Variants in PTP4A1 observed in about 807,000 individuals in gnomAD.
The protein encoded by PTP4A1 is protein tyrosine phosphatase type IVA 1.
In PTP4A1, 9 loss-of-function variants were observed where a neutral mutation model predicts 20.5. The observed-to-expected ratio is 0.44, with a 90% CI of 0.26 to 0.77. The LOEUF is 0.77. Ranked by LOEUF, PTP4A1 falls within the 30% of genes least tolerant of loss-of-function variation. The probability of loss-of-function intolerance (pLI) is 0.19; values close to 1 mark genes in which losing one functional copy is unlikely to be tolerated. For synonymous variants in PTP4A1, 78 were observed against 67.4 expected (o/e 1.16, Z -0.77); for missense variants, 137 against 218.8 (o/e 0.63, Z 2.36).
chr6:63,527,609 C>T (rs772515768), intron 1 of PTP4A1, among the ~76,000 whole-genome samples: 3 of 152,150 alleles, frequency 2.0e-5, no homozygotes, highest in Admixed American at 6.5e-5. Context: ...ATTTAAGTTT[C>T]GGTGACAACT....
At chr6:63,532,768 A>C (rs578060808) in intron 2 of PTP4A1, among the ~76,000 whole-genome samples, 1 of 152,340 alleles carries the variant, frequency 6.6e-6, no homozygotes, top group African/African-American at 2.4e-5. Flanking sequence ...AGCATGTTCA[A>C]TCAGTATCTA....
At chr6:63,576,356 A>C (rs1033564287) in intron 1 of PTP4A1, 80 bp from the exon 2 acceptor site, 3 of 397,112 alleles carry the variant, frequency 7.6e-6, no homozygotes, top group African/African-American at 6.2e-5. Context: ...TTGTGTACTT[A>C]AATAGTGTAA....
intron 1 of PTP4A1, among the ~76,000 whole-genome samples, chr6:63,526,803 GTA>G (rs376671990): frequency 0.17 from 17,598 of 101,176 alleles, 1,366 homozygotes; most frequent in Admixed American, 0.27. Context: ...TCTCAAAAAT[GTA>G]TATATATATA....
chr6:63,535,310 C>CA (rs1775670180), intron 2 of PTP4A1, among the ~76,000 whole-genome samples: 1 of 151,960 alleles, frequency 6.6e-6, no homozygotes, highest in South Asian at 2.1e-4. Flanking sequence ...ACTAAAAATA[C>CA]AAAAAATAAG....
intron 2 of PTP4A1, among the ~76,000 whole-genome samples, chr6:63,543,751 G>C (rs1776074233): frequency 6.6e-6 from 1 of 152,148 alleles, no homozygotes; most frequent in African/African-American, 2.4e-5. Context: ...CCTAAGTCAA[G>C]TGAAACTTAT....
intron 2 of PTP4A1, among the ~76,000 whole-genome samples, chr6:63,534,334 A>G (rs1358169727): frequency 6.6e-6 from 1 of 152,026 alleles, no homozygotes; most frequent in Non-Finnish European, 1.5e-5. Flanking sequence ...ATCCAGGTTC[A>G]CTCTAAGTTA....
chr6:63,557,881 A>T (rs1015832349), intron 3 of PTP4A1, among the ~76,000 whole-genome samples: 1 of 151,936 alleles, frequency 6.6e-6, no homozygotes, highest in Non-Finnish European at 1.5e-5. Context: ...TTTTAAAATG[A>T]TACTGAACAT....
At chr6:63,567,676 C>T (rs1316841997), upstream of PTP4A1, among the ~76,000 whole-genome samples, 1 of 152,354 alleles carries the variant, frequency 6.6e-6, no homozygotes, top group East Asian at 1.9e-4. Context: ...ACATCAGCCC[C>T]TAACAAGAGA....
At chr6:63,528,505 G>A (rs531404269) in intron 2 of PTP4A1, among the ~76,000 whole-genome samples, 3 of 151,798 alleles carry the variant, frequency 2.0e-5, no homozygotes, top group Admixed American at 6.6e-5. Flanking sequence ...TGGACAGATC[G>A]CCTGAGCCCA....
At chr6:63,576,319 G>T (rs1450190023) in intron 1 of PTP4A1, 117 bp from the exon 2 acceptor site, 2 of 389,380 alleles carry the variant, frequency 5.1e-6, no homozygotes, top group East Asian at 3.6e-5. Flanking sequence ...TCGATGAAGC[G>T]GCTCAGGCCC....
At chr6:63,527,526 T>C (rs1258664304) in intron 1 of PTP4A1, among the ~76,000 whole-genome samples, 1 of 152,242 alleles carries the variant, frequency 6.6e-6, no homozygotes, top group Non-Finnish European at 1.5e-5. Flanking sequence ...ATGTGCTTTA[T>C]ACTGTGTCCA....
rs200713233 is a variant in PTP4A1, at chr6:63,579,045, A to G, written c.329+17A>G. On this transcript the variant is annotated intron_variant, in intron 4 of 5. Transcript: ENST00000626021. ...CCTTGGGAGGTAAATGAATTTATCA[A>G]TTTGATTCTAGGTAAAAATCTATTG... 248 of 1,556,000 alleles carry G rather than the reference A, an allele frequency of 1.6e-4. 2 individuals carry two copies. The highest frequency in any genetic ancestry group is 6.2e-4 in the East Asian group (27 of 43,868).
chr6:63,580,178 T>C lies in PTP4A1; in HGVS notation c.*4T>C, dbSNP rs759225817. 1 of 1,598,044 alleles carries C rather than the reference T, an allele frequency of 6.3e-7. No homozygotes were observed. ...AAACAACTGTTGCATTCAATAAAAT[T>C]GGGGTGCCTAATGCTACTGGAAGTG... On this transcript the variant is annotated 3_prime_UTR_variant, in exon 6 of 6. Transcript: ENST00000626021.
intron 2 of PTP4A1, among the ~76,000 whole-genome samples, chr6:63,528,980 T>C (rs1218399895): frequency 6.6e-6 from 1 of 150,570 alleles, no homozygotes; most frequent in Non-Finnish European, 1.5e-5. Flanking sequence ...TCCCAGCTAC[T>C]TGGGAGGCTG....
At chr6:63,521,704 A>T (rs1159637756), upstream of PTP4A1, 1 of 152,212 alleles carries the variant, frequency 6.6e-6, no homozygotes, top group African/African-American at 2.4e-5. Flanking sequence ...ACAGTAACTC[A>T]TTAACAGATA....
Position 63,581,048 on chromosome 6 carries a change from G to T in PTP4A1, c.*874G>T, listed in dbSNP as rs1778194386. 1 of 151,956 alleles carries T rather than the reference G, an allele frequency of 6.6e-6. No homozygotes were observed. The highest frequency in any genetic ancestry group is 2.1e-4 in the South Asian group (1 of 4,828). 9.4% of individuals were successfully genotyped at this position (151,956 alleles called of 1,614,324 possible). ...TTTTTTTAAAAGGTAGAGATGCTTT[G>T]TTATTGTAATCATAAACTTCCTGAA... is the stretch of plus-strand genomic sequence containing the variant. On this transcript the variant is annotated 3_prime_UTR_variant, in exon 6 of 6. Transcript: ENST00000626021.
In PTP4A1 at chr6:63,572,716, T is replaced by A; in HGVS notation, c.-449T>A. 1 of 398,682 alleles carries A rather than the reference T, an allele frequency of 2.5e-6. No individual in the cohort carries two copies. Among genetic ancestry groups the A allele is most frequent in the South Asian group, 1.3e-4 (1 of 7,940 alleles). The allele number at this position is 398,682 out of a possible 1,614,324, so 24.7% of individuals were successfully genotyped here. A position where few individuals can be genotyped will look rare whatever the true frequency, so the allele number is the denominator to read the frequency against. On this transcript the variant is annotated 5_prime_UTR_variant, in exon 1 of 6. Transcript: ENST00000626021. ...CACAATCTTCAATGAGTAAACATAT[T>A]CCTGTGAGTAGCCGTCGCATCGTCG...
chr6:63,573,193 G>A (rs1777593807), intron 1 of PTP4A1: 1 of 153,734 alleles, frequency 6.5e-6, no homozygotes. Context: ...GGCTGCACTG[G>A]GAGCGGGAGA....
intron 3 of PTP4A1, 94 bp from the exon 4 acceptor site, chr6:63,578,804 T>C: frequency 4.0e-6 from 5 of 1,257,078 alleles, no homozygotes; most frequent in Admixed American, 3.0e-5. Flanking sequence ...AAAATGAGAA[T>C]GCTTTTGAAA....
Sources: gnomAD v4.1 joint callset for allele counts (sites outside exome capture counted in the v4.1 genomes callset) on GRCh38, gnomAD v4.1.1 for gene constraint, MANE v1.5 for transcripts, NCBI Gene and HGNC (gene_info 2026-07-23, HGNC 2026-07-21) for gene names.